The following CDH12 variants were observed in gnomAD, a reference collection of about 807,000 sequenced individuals.
CDH12 encodes cadherin 12.
In CDH12, 41 loss-of-function variants were observed where a neutral mutation model predicts 74.1. The ratio of observed to expected loss-of-function variants is 0.55; its 90% confidence interval spans 0.43 to 0.72. The LOEUF (loss-of-function observed/expected upper bound fraction) is 0.72. CDH12 is among the 30% of genes least tolerant of loss of function. The pLI is 0.00. For synonymous variants in CDH12, 399 were observed against 355.0 expected (o/e 1.12, Z -1.39); for missense variants, 945 against 977.2 (o/e 0.97, Z 0.44).
intron 5 of CDH12, among the ~76,000 whole-genome samples, chr5:21,991,551 A>G (rs1757755256): frequency 6.8e-6 from 1 of 146,018 alleles, no homozygotes; most frequent in Non-Finnish European, 1.5e-5. Flanking sequence ...TTTGTTAAAT[A>G]TATAACATTT....
At chr5:22,090,437 T>A (rs1206533582) in intron 4 of CDH12, among the ~76,000 whole-genome samples, 1 of 150,842 alleles carries the variant, frequency 6.6e-6, no homozygotes, top group Non-Finnish European at 1.5e-5. Context: ...TCTTCACTGT[T>A]GAATTCTATC....
At chr5:22,424,616 T>C (rs1032586323) in intron 2 of CDH12, among the ~76,000 whole-genome samples, 1 of 152,198 alleles carries the variant, frequency 6.6e-6, no homozygotes, top group Non-Finnish European at 1.5e-5. Context: ...TCAACCAGAG[T>C]TAACCGATAC....
intron 3 of CDH12, among the ~76,000 whole-genome samples, chr5:22,292,610 A>C (rs1222064887): frequency 7.2e-6 from 1 of 139,680 alleles, no homozygotes; most frequent in African/African-American, 2.6e-5. Flanking sequence ...AAGGACCTGA[A>C]AGATGCTTCT....
chr5:22,539,216 A>C (rs1278325649), intron 1 of CDH12, among the ~76,000 whole-genome samples: 1 of 152,224 alleles, frequency 6.6e-6, no homozygotes, highest in East Asian at 1.9e-4. Flanking sequence ...ATATCTACAG[A>C]TGTACTGCTT....
intron 6 of CDH12, among the ~76,000 whole-genome samples, chr5:21,868,335 T>A (rs1751443186): frequency 6.6e-6 from 1 of 151,880 alleles, no homozygotes; most frequent in Non-Finnish European, 1.5e-5. Context: ...TGTCAGAGAG[T>A]CCCCAACCAG....
chr5:22,457,800 A>C (rs1745343524), intron 2 of CDH12, among the ~76,000 whole-genome samples: 1 of 151,988 alleles, frequency 6.6e-6, no homozygotes, highest in South Asian at 2.1e-4. Flanking sequence ...GCTGGAGTGC[A>C]GTGGTGCGAT....
rs1226895596 is a variant in CDH12 at position 22,139,050 on chromosome 5, A to C, written c.-186-60188T>G. Among the ~76,000 whole-genome samples the C allele has an allele frequency of 2.0e-5, 3 of 150,900 alleles. No homozygotes were observed. The East Asian group carries it at 5.9e-4, about 29-fold the overall frequency. ...TCCCAATAATTTGATGTTTTGGAAAAATTTAGTACCATATAATTTTTCCCC... is the reference window on the plus strand; with the variant it reads ...TCCCAATAATTTGATGTTTTGGAAACATTTAGTACCATATAATTTTTCCCC... On this transcript the variant is annotated intron_variant, in intron 4 of 14. Coordinates refer to ENST00000382254, the MANE Select transcript of CDH12 (RefSeq NM_004061.5).
At chr5:22,163,008 T>C (rs1221815108) in intron 4 of CDH12, among the ~76,000 whole-genome samples, 1 of 150,054 alleles carries the variant, frequency 6.7e-6, no homozygotes, top group Non-Finnish European at 1.5e-5. Flanking sequence ...GCCATTCTCC[T>C]GCCTCAGCCT....
intron 2 of CDH12, among the ~76,000 whole-genome samples, chr5:22,410,202 A>C (rs2126470603): frequency 6.6e-6 from 1 of 152,146 alleles, no homozygotes; most frequent in East Asian, 1.9e-4. Flanking sequence ...TTCTCCCCCA[A>C]GGATAGGCAC....
At chr5:22,472,982 G>A (rs1333616282) in intron 2 of CDH12, among the ~76,000 whole-genome samples, 1 of 152,016 alleles carries the variant, frequency 6.6e-6, no homozygotes, top group African/African-American at 2.4e-5. Flanking sequence ...CATGACCTTT[G>A]AGGCCCTACT....
chr5:21,838,484 T>G (rs112967893), intron 8 of CDH12, among the ~76,000 whole-genome samples: 16,081 of 152,046 alleles, frequency 0.11, 1,628 homozygotes, highest in African/African-American at 0.27. Context: ...TGCTGGAACC[T>G]GGGAGGCGGA....
At chr5:21,783,177 G>T (rs1746005445) in intron 11 of CDH12, among the ~76,000 whole-genome samples, 181 bp downstream of exon 11, 1 of 151,804 alleles carries the variant, frequency 6.6e-6, no homozygotes, top group African/African-American at 2.4e-5. Context: ...AGGACTCATT[G>T]GCAGCTGTCA....
chr5:22,691,064 AT>A (rs1181819432), intron 1 of CDH12, among the ~76,000 whole-genome samples: 4 of 152,100 alleles, frequency 2.6e-5, no homozygotes, highest in Non-Finnish European at 4.4e-5. Context: ...TTTTAAAAAT[AT>A]TTTTTTCCTT....
intron 1 of CDH12, among the ~76,000 whole-genome samples, chr5:22,756,895 G>T (rs1359181874): frequency 6.6e-6 from 1 of 151,596 alleles, no homozygotes; most frequent in African/African-American, 2.4e-5. Context: ...GGAGGCGGAG[G>T]TTGCAGAAAG....
intron 3 of CDH12, among the ~76,000 whole-genome samples, chr5:22,391,852 G>C (rs1561368672): frequency 6.6e-6 from 1 of 151,742 alleles, no homozygotes; most frequent in Admixed American, 6.6e-5. Context: ...TTAAAACTGA[G>C]AACAAAATTA....
chr5:21,968,182 T>C (rs1409992210), intron 6 of CDH12, among the ~76,000 whole-genome samples: 1 of 152,236 alleles, frequency 6.6e-6, no homozygotes, highest in Non-Finnish European at 1.5e-5. Flanking sequence ...TTTCTCTGGC[T>C]AGTTTTCTGA....
At chr5:22,642,247 T>C (rs1438938031) in intron 1 of CDH12, among the ~76,000 whole-genome samples, 1 of 152,218 alleles carries the variant, frequency 6.6e-6, no homozygotes, top group African/African-American at 2.4e-5. Context: ...GTAGCAAGAT[T>C]AGCTGTCTTG....
chr5:22,088,477 G>C (rs184386465), intron 4 of CDH12, among the ~76,000 whole-genome samples: 2 of 152,036 alleles, frequency 1.3e-5, no homozygotes, highest in African/African-American at 4.8e-5. Context: ...GAAGACTAAG[G>C]ACTACAATCC....
chr5:22,211,768 A>C (rs1485022240), intron 4 of CDH12, among the ~76,000 whole-genome samples: 1 of 151,130 alleles, frequency 6.6e-6, no homozygotes, highest in Non-Finnish European at 1.5e-5. Context: ...ATAAAACATA[A>C]AAAAGATTTT....
Sources: gnomAD v4.1 joint callset for allele counts (sites outside exome capture counted in the v4.1 genomes callset) on GRCh38, gnomAD v4.1.1 for gene constraint, MANE v1.5 for transcripts, NCBI Gene and HGNC (gene_info 2026-07-23, HGNC 2026-07-21) for gene names.